AKAP13: variants seen among roughly 807,000 people sequenced by gnomAD.
The protein encoded by AKAP13 is A-kinase anchoring protein 13, also known as A-kinase anchor protein 13.
Under a neutral mutation model 264.5 loss-of-function variants are expected in AKAP13, and 80 were observed. That is an observed-to-expected ratio of 0.30 (90% CI 0.25 to 0.36). AKAP13 has a LOEUF of 0.36. AKAP13 is among the 10% of genes least tolerant of loss of function. The probability of loss-of-function intolerance (pLI) is 1.00; values close to 1 mark genes in which losing one functional copy is unlikely to be tolerated. For missense variants in AKAP13, 3,712 were observed against 3,435.2 expected, an observed-to-expected ratio of 1.08 and a Z score of -2.01; for synonymous variants, 1,380 against 1,250.2, an observed-to-expected ratio of 1.10 and a Z score of -2.19.
At chr15:85,688,978 G>T (rs75256128) in intron 16 of AKAP13, among the ~76,000 whole-genome samples, 2,343 of 152,292 alleles carry the variant, frequency 0.015, 63 homozygotes, top group African/African-American at 0.053. Flanking sequence ...AGTTCACAAA[G>T]GGAGTGTGGA....
chr15:85,655,709 G>A lies in AKAP13; in HGVS notation c.4667G>A (p.Arg1556His), dbSNP rs553130968. ...ANCSVLRSSM[R>H]SLSPFRRHSW... ...TGCTCTGTCCTAAGGAGCTCCATGC[G>A]CTCTCTTTCTCCCTTCCGGAGGCAC... Residue 1556 changes from arginine to histidine, a missense_variant, in exon 11 of 37, where the codon CGC becomes CAC. Around this residue, in one of 3 missense-constraint regions of AKAP13, gnomAD observed 2,759 missense variants for 2,411.7 expected, o/e 1.14. Coordinates refer to ENST00000394518, the MANE Select transcript of AKAP13 (RefSeq NM_007200.5). The A allele has an allele frequency of 3.2e-5, 52 of 1,614,016 alleles. No homozygotes were observed. Among genetic ancestry groups the A allele is most frequent in the East Asian group, 1.3e-4 (6 of 44,894 alleles).
At chr15:85,698,196 G>A (rs1403435394) in intron 17 of AKAP13, among the ~76,000 whole-genome samples, 4 of 152,192 alleles carry the variant, frequency 2.6e-5, no homozygotes, top group South Asian at 2.1e-4. Context: ...GGCCAGGCAC[G>A]GTGCCTCATG....
chr15:85,699,804 G>A (rs1401607599), intron 17 of AKAP13, among the ~76,000 whole-genome samples: 3 of 152,208 alleles, frequency 2.0e-5, no homozygotes, highest in Non-Finnish European at 4.4e-5. Flanking sequence ...CACTGTTATT[G>A]ATAGCACCAG....
intron 8 of AKAP13, among the ~76,000 whole-genome samples, chr15:85,630,717 C>A (rs759339071): frequency 7.9e-5 from 12 of 151,920 alleles, no homozygotes; most frequent in Non-Finnish European, 1.3e-4. Context: ...TAGATTTTTC[C>A]ATTAAAAAAA....
intron 1 of AKAP13, among the ~76,000 whole-genome samples, chr15:85,411,628 A>C (rs904459995): frequency 2.0e-5 from 3 of 152,106 alleles, no homozygotes; most frequent in African/African-American, 7.2e-5. Flanking sequence ...TCGTAGAGAC[A>C]GGGTTTCACC....
intron 1 of AKAP13, among the ~76,000 whole-genome samples, chr15:85,399,320 C>A (rs2071273343): frequency 6.7e-6 from 1 of 149,864 alleles, no homozygotes; most frequent in Admixed American, 6.6e-5. Context: ...CAAGGTGAAA[C>A]CCCGTCTCTA....
chr15:85,550,455 CCTT>C (rs1350375053), intron 5 of AKAP13, among the ~76,000 whole-genome samples: 2 of 152,162 alleles, frequency 1.3e-5, no homozygotes, highest in African/African-American at 4.8e-5. Context: ...GCTCTCAAGT[CCTT>C]CTTACAAGAC....
intron 1 of AKAP13, among the ~76,000 whole-genome samples, chr15:85,426,853 C>A (rs896118677): frequency 6.6e-6 from 1 of 151,254 alleles, no homozygotes; most frequent in Non-Finnish European, 1.5e-5. Flanking sequence ...CCATGTAATT[C>A]TTGTGGCCAT....
intron 10 of AKAP13, among the ~76,000 whole-genome samples, chr15:85,648,138 G>A (rs756304923): frequency 6.6e-6 from 1 of 152,040 alleles, no homozygotes; most frequent in Non-Finnish European, 1.5e-5. Flanking sequence ...GATATGTGTC[G>A]CTAAAAACAT....
intron 8 of AKAP13, among the ~76,000 whole-genome samples, chr15:85,586,723 C>A (rs887606878): frequency 1.3e-5 from 2 of 151,996 alleles, no homozygotes; most frequent in African/African-American, 2.4e-5. Context: ...GTCGGAAGTT[C>A]AAGATCAGCC....
At position 85,515,921 on chromosome 15, in the gene AKAP13, A is replaced by C. The variant is rs2076583556; in HGVS notation, c.34-5507A>C. Among the ~76,000 whole-genome samples, 2 of 88,364 alleles carry C rather than the reference A, an allele frequency of 2.3e-5. 1 individual carries two copies. Among genetic ancestry groups the C allele is most frequent in the Admixed American group, 2.3e-4 (2 of 8,776 alleles). The allele number at this position is 88,364 out of a possible 152,430, so 58.0% of individuals were successfully genotyped here. ...CTTTGTTATTTATAAGCCTTAAGTG[A>C]GCATTTCTCCAACATCTTTGTTGTG... On this transcript the variant is annotated intron_variant, in intron 2 of 36. Transcript: ENST00000394518.
intron 4 of AKAP13, among the ~76,000 whole-genome samples, chr15:85,543,174 CA>C (rs1200839807): frequency 6.6e-6 from 1 of 152,190 alleles, no homozygotes; most frequent in East Asian, 1.9e-4. Flanking sequence ...TTCTTCCTCT[CA>C]TTAAACAAAT....
intron 2 of AKAP13, among the ~76,000 whole-genome samples, chr15:85,494,930 C>T (rs373248585): frequency 7.2e-5 from 11 of 151,788 alleles, no homozygotes; most frequent in African/African-American, 1.7e-4. Flanking sequence ...GCATTGTGCT[C>T]CTTTCTTGGT....
rs138091736 is a variant in AKAP13, at chr15:85,443,414, G to C, written c.-11-42296G>C. 4.6e-4 allele frequency among the ~76,000 whole-genome samples: 70 copies of C among 152,272 alleles called. No homozygotes were observed. The East Asian group carries it at 0.012, about 26-fold the overall frequency. Reference sequence around the variant, plus strand: ...CTTAAGTATTAACTAATTACTAGCTGTGGATTCCCAGGCAAGTCCACTCAC... The same window carrying C: ...CTTAAGTATTAACTAATTACTAGCTCTGGATTCCCAGGCAAGTCCACTCAC... On this transcript the variant is annotated intron_variant, in intron 1 of 36. Coordinates refer to ENST00000394518, the MANE Select transcript of AKAP13 (RefSeq NM_007200.5).
intron 16 of AKAP13, among the ~76,000 whole-genome samples, chr15:85,690,587 T>G (rs1402868070): frequency 6.6e-6 from 1 of 152,258 alleles, no homozygotes; most frequent in Non-Finnish European, 1.5e-5. Context: ...CTCTTAGATG[T>G]TCATTATATG....
chr15:85,723,101 C>G lies in AKAP13; in HGVS notation c.6526C>G (p.Gln2176Glu). The G allele has an allele frequency of 3.7e-6, 6 of 1,614,082 alleles. No individual in the cohort carries two copies. Among genetic ancestry groups the G allele is most frequent in the Non-Finnish European group, 5.1e-6 (6 of 1,179,970 alleles). Residue 2176 changes from glutamine (Q) to glutamate (E), a missense_variant, in exon 26 of 37, where the codon CAG (glutamine) becomes GAG (glutamate). Gln to Glu is a conservative substitution (Grantham distance 29). This residue lies in a region of AKAP13 where 342 missense variants were observed against 484.3 expected (regional missense o/e 0.71). Transcript: ENST00000394518. ...TGAAGTGGAGCAGGAAGATCTAGCACAGTCCTTGAGCCTGGTGAAGGATGT... is the reference window on the plus strand; with the variant it reads ...TGAAGTGGAGCAGGAAGATCTAGCAGAGTCCTTGAGCCTGGTGAAGGATGT... The part of the protein sequence containing the change: ...DNEVEQEDLA[Q>E]SLSLVKDVIG...
intron 2 of AKAP13, among the ~76,000 whole-genome samples, chr15:85,500,142 CAG>C (rs899495135): frequency 1.3e-5 from 2 of 152,144 alleles, no homozygotes; most frequent in African/African-American, 2.4e-5. Context: ...TGAAACCACA[CAG>C]GGGGATTTTG....
intron 1 of AKAP13, among the ~76,000 whole-genome samples, chr15:85,447,455 A>G (rs1297292251): frequency 2.6e-5 from 4 of 152,038 alleles, no homozygotes; most frequent in Admixed American, 6.6e-5. Context: ...TTTGTTTTAC[A>G]TATTATTACA....
chr15:85,691,198 A>G (rs1042953220), intron 16 of AKAP13, among the ~76,000 whole-genome samples: 2 of 152,232 alleles, frequency 1.3e-5, no homozygotes, highest in Non-Finnish European at 2.9e-5. Context: ...TTAGGACATA[A>G]CAATGGTATT....
Sources: allele counts gnomAD v4.1 joint callset (sites outside exome capture counted in the v4.1 genomes callset), GRCh38; gene constraint gnomAD v4.1.1; regional missense constraint gnomAD v4.1.1; transcripts MANE v1.5; gene names NCBI Gene and HGNC (gene_info 2026-07-23, HGNC 2026-07-21).